The following NRCAM variants were observed in gnomAD, a reference collection of about 807,000 sequenced individuals.
NRCAM encodes the protein neuronal cell adhesion molecule.
In NRCAM, 83 loss-of-function variants were observed where a neutral mutation model predicts 156.5. The ratio of observed to expected loss-of-function variants is 0.53; its 90% CI spans 0.44 to 0.64. The LOEUF is 0.64. Ranked by LOEUF, NRCAM falls within the 30% of genes least tolerant of loss-of-function variation. The pLI is 0.00. For synonymous variants in NRCAM, 538 were observed against 563.9 expected, an observed-to-expected ratio of 0.95 and a Z score of 0.65; for missense variants, 1,417 against 1,597.3, an observed-to-expected ratio of 0.89 and a Z score of 1.92.
chr7:108,207,699 A>T (rs573219356), intron 12 of NRCAM, 40 bp from the exon 13 acceptor site: 1 of 1,561,562 alleles, frequency 6.4e-7, no homozygotes, highest in East Asian at 2.3e-5. Flanking sequence ...ATCTGAATCA[A>T]ATAAGCATTT....
Position 108,209,517 on chromosome 7 carries a change from T to G in NRCAM, c.979A>C (p.Ile327Leu), listed in dbSNP as rs1395306790. Residue 327 changes from isoleucine to leucine, a missense_variant, in exon 12 of 33, where the codon ATC (isoleucine) becomes CTC (leucine). Coordinates refer to ENST00000379028, the MANE Select transcript of NRCAM (RefSeq NM_001037132.4). Reference protein sequence around the residue: ...VYKNFEKTLQIIHVSEADSGN... With the variant: ...VYKNFEKTLQLIHVSEADSGN... ...GAGTCTGCTTCTGAAACATGAATGA[T>G]CTGCAAGGTTTTCTCAAAGTTCTTA... The G allele has an allele frequency of 3.7e-6, 6 of 1,612,482 alleles. No individual in the cohort carries two copies. The highest frequency in any genetic ancestry group is 5.1e-6 in the Non-Finnish European group (6 of 1,179,360).
chr7:108,439,287 G>C (rs1344589367), intron 1 of NRCAM, among the ~76,000 whole-genome samples: 1 of 152,104 alleles, frequency 6.6e-6, no homozygotes, highest in East Asian at 1.9e-4. Flanking sequence ...GGCATATCAA[G>C]AAAGTAAAAA....
In NRCAM at chr7:108,147,669, T is replaced by C. The variant is rs2039537803; in HGVS notation, c.*2241A>G. 1 of 152,358 alleles carries C rather than the reference T, an allele frequency of 6.6e-6. No individual in the cohort carries two copies. Among genetic ancestry groups the C allele is most frequent in the African/African-American group, 2.4e-5 (1 of 41,468 alleles). 9.4% of individuals were successfully genotyped at this position (152,358 alleles called of 1,614,324 possible). On this transcript the variant is annotated 3_prime_UTR_variant, in exon 33 of 33. Coordinates refer to ENST00000379028, the MANE Select transcript of NRCAM (RefSeq NM_001037132.4). Reference sequence around the variant, plus strand: ...TCACAAAGAGATCAAGACTGTTTAATAGTTACTTTTTTGAGGGAAATCCAG... The same window carrying C: ...TCACAAAGAGATCAAGACTGTTTAACAGTTACTTTTTTGAGGGAAATCCAG...
At chr7:108,264,434 G>A (rs1405910945) in intron 3 of NRCAM, among the ~76,000 whole-genome samples, 1 of 152,170 alleles carries the variant, frequency 6.6e-6, no homozygotes, top group Non-Finnish European at 1.5e-5. Context: ...GCACAACTGG[G>A]ACTATGGGGA....
At chr7:108,244,376 A>C (rs997932476) in intron 3 of NRCAM, among the ~76,000 whole-genome samples, 24 of 152,146 alleles carry the variant, frequency 1.6e-4, no homozygotes, top group Non-Finnish European at 2.5e-4. Context: ...AGTGGGTAGG[A>C]CATCATCTTG....
intron 14 of NRCAM, among the ~76,000 whole-genome samples, chr7:108,196,683 A>C (rs919594998): frequency 6.6e-6 from 1 of 152,230 alleles, no homozygotes. Context: ...AGGAGATCTA[A>C]GTGTTGGCAA....
intron 28 of NRCAM, among the ~76,000 whole-genome samples, chr7:108,169,088 A>G (rs944661528): frequency 6.6e-6 from 1 of 152,218 alleles, no homozygotes; most frequent in African/African-American, 2.4e-5. Context: ...AAACTATTTC[A>G]TGTAACATTT....
intron 1 of NRCAM, among the ~76,000 whole-genome samples, chr7:108,421,447 C>G (rs931446289): frequency 2.0e-5 from 3 of 152,006 alleles, no homozygotes; most frequent in African/African-American, 7.3e-5. Flanking sequence ...TAAGTCACCC[C>G]CAATGAGAAA....
At chr7:108,381,676 C>T (rs2099702093) in intron 2 of NRCAM, among the ~76,000 whole-genome samples, 1 of 151,682 alleles carries the variant, frequency 6.6e-6, no homozygotes, top group Non-Finnish European at 1.5e-5. Context: ...TCTCCTGCCT[C>T]AGGCTCCCAA....
intron 2 of NRCAM, among the ~76,000 whole-genome samples, chr7:108,327,082 A>G (rs1049936412): frequency 3.9e-5 from 6 of 152,122 alleles, no homozygotes; most frequent in African/African-American, 1.4e-4. Flanking sequence ...GAGCCTTCCT[A>G]TTAAGAGGCT....
At chr7:108,317,777 C>T (rs187011696) in intron 2 of NRCAM, among the ~76,000 whole-genome samples, 5 of 151,634 alleles carry the variant, frequency 3.3e-5, no homozygotes, top group South Asian at 2.1e-4. Flanking sequence ...GACGTGGTGG[C>T]GGGCACCTGT....
rs2081880391 is a variant in NRCAM at position 108,207,668 on chromosome 7, G to A, written c.1076-9C>T. ...GATCCAGTATGGAGCCGCTTTATAG[G>A]AGGAAGAAAAAAGACCAAAAATCTG... is the stretch of plus-strand genomic sequence containing the variant. On this transcript the variant is annotated splice_polypyrimidine_tract_variant and intron_variant, in intron 12 of 32. Transcript: ENST00000379028. 1.9e-6 allele frequency: 3 copies of A among 1,588,228 alleles called. No individual in the cohort carries two copies. The highest frequency in any genetic ancestry group is 2.6e-6 in the Non-Finnish European group (3 of 1,171,150).
intron 2 of NRCAM, among the ~76,000 whole-genome samples, chr7:108,332,956 A>C (rs2099142148): frequency 6.6e-6 from 1 of 152,204 alleles, no homozygotes; most frequent in Non-Finnish European, 1.5e-5. Flanking sequence ...GTAAAACATA[A>C]AAGGATCAAA....
intron 2 of NRCAM, among the ~76,000 whole-genome samples, chr7:108,379,163 T>G (rs894761421): frequency 3.3e-5 from 5 of 152,034 alleles, no homozygotes. Flanking sequence ...GGAAAATCAG[T>G]AGAACAAGAG....
At chr7:108,218,938 T>G (rs1056121651) in intron 11 of NRCAM, among the ~76,000 whole-genome samples, 1 of 152,056 alleles carries the variant, frequency 6.6e-6, no homozygotes, top group Admixed American at 6.5e-5. Flanking sequence ...TTCGAAAAGA[T>G]AAATACAATT....
intron 13 of NRCAM, among the ~76,000 whole-genome samples, chr7:108,201,177 A>T (rs1025842812): frequency 4.6e-5 from 3 of 65,008 alleles, no homozygotes; most frequent in Non-Finnish European, 9.2e-5. Context: ...TAAGGTCGGT[A>T]AAAAAAAAAA....
rs769319441 is a variant in NRCAM at position 108,225,670 on chromosome 7, A to C, written c.753T>G (p.Asn251Lys). The C allele has an allele frequency of 4.4e-6, 7 of 1,599,842 alleles. No individual in the cohort carries two copies. In the South Asian group the frequency reaches 6.6e-5, roughly 15 times the overall value. The change falls in exon 10 of 33, where the codon AAT (asparagine) becomes AAG (lysine). Residue 251 changes from asparagine to lysine, a missense_variant. Coordinates refer to ENST00000379028, the MANE Select transcript of NRCAM (RefSeq NM_001037132.4). Reference sequence around the variant, plus strand: ...CACCATAAAACTCAGTGTCACTCAAATTAGCAGCTATAGTGTCATTCAATT... The same window carrying C: ...CACCATAAAACTCAGTGTCACTCAACTTAGCAGCTATAGTGTCATTCAATT... ...VDELNDTIAA[N>K]LSDTEFYGAK...
chr7:108,182,046 C>A, intron 23 of NRCAM, 109 bp from the exon 24 acceptor site: 1 of 712,888 alleles, frequency 1.4e-6, no homozygotes, highest in South Asian at 1.9e-5. Context: ...CAGACCTATT[C>A]TATGGATTAT....
At chr7:108,235,023 G>C (rs17155277) in intron 5 of NRCAM, among the ~76,000 whole-genome samples, 1 of 152,108 alleles carries the variant, frequency 6.6e-6, no homozygotes, top group East Asian at 1.9e-4. Flanking sequence ...TGATTCCTTT[G>C]GTTCAAATGA....
Sources: allele counts gnomAD v4.1 joint callset (sites outside exome capture counted in the v4.1 genomes callset), GRCh38; gene constraint gnomAD v4.1.1; transcripts MANE v1.5; gene names NCBI Gene and HGNC (gene_info 2026-07-23, HGNC 2026-07-21).